KLF7: variants seen among roughly 807,000 people sequenced by gnomAD.
The protein encoded by KLF7 is KLF transcription factor 7.
Under a neutral mutation model 27.3 loss-of-function variants are expected in KLF7, and 2 were observed. The observed-to-expected ratio is 0.07, with a 90% confidence interval of 0.03 to 0.23. The LOEUF (loss-of-function observed/expected upper bound fraction) is 0.23. KLF7 is among the 10% of genes least tolerant of loss of function. KLF7 has a pLI of 1.00. For missense variants in KLF7, 221 were observed against 394.1 expected (o/e 0.56, Z 3.72); for synonymous variants, 165 against 162.4 (o/e 1.02, Z -0.12).
Position 207,157,519 on chromosome 2 carries a change from G to T in KLF7, c.102+7948C>A, listed in dbSNP as rs965545323. Among the ~76,000 whole-genome samples, 4 of 152,316 alleles carry T rather than the reference G, an allele frequency of 2.6e-5. No individual in the cohort carries two copies. The South Asian group carries it at 6.2e-4, about 24-fold the overall frequency. On this transcript the variant is annotated intron_variant, in intron 1 of 3. Transcript: ENST00000309446. The stretch of plus-strand genomic sequence containing the variant: ...GATGGCATTTACTACATGTGAAAAG[G>T]GGGGAACTTGCAAATATTGTGTAGA...
chr2:207,169,262 C>T (rs976537582), upstream of KLF7, among the ~76,000 whole-genome samples: 22 of 151,866 alleles, frequency 1.4e-4, no homozygotes, highest in Non-Finnish European at 2.9e-4. Context: ...ATAAATTATC[C>T]CCCCACCCGG....
chr2:207,124,443 A>T, intron 1 of KLF7, 39 bp from the exon 2 acceptor site: 1 of 1,529,940 alleles, frequency 6.5e-7, no homozygotes, highest in South Asian at 1.3e-5. Flanking sequence ...CAGCCATCAG[A>T]GGCACAGAAC....
chr2:207,097,475 C>T (rs2076658607), intron 2 of KLF7, among the ~76,000 whole-genome samples: 2 of 152,178 alleles, frequency 1.3e-5, no homozygotes, highest in South Asian at 4.1e-4. Context: ...AACTTTGTCA[C>T]CTGTATGTCC....
Position 207,075,831 on chromosome 2 carries a change from T to G in KLF7, c.*5382A>C, listed in dbSNP as rs922064190. 1 of 152,048 alleles carries G rather than the reference T, an allele frequency of 6.6e-6. No homozygotes were observed. Among genetic ancestry groups the G allele is most frequent in the Non-Finnish European group, 1.5e-5 (1 of 68,004 alleles). The allele number at this position is 152,048 out of a possible 1,614,324, so 9.4% of individuals were successfully genotyped here. Reference sequence around the variant, plus strand: ...TGAAAGATAAGGAAATTAAACTAAGTCTGGGTTTAGATAGGAAATGCATGC... The same window carrying G: ...TGAAAGATAAGGAAATTAAACTAAGGCTGGGTTTAGATAGGAAATGCATGC... On this transcript the variant is annotated 3_prime_UTR_variant, in exon 4 of 4. Coordinates refer to ENST00000309446, the MANE Select transcript of KLF7 (RefSeq NM_003709.4).
At chr2:207,131,212 GGACA>G (rs1293327553) in intron 1 of KLF7, among the ~76,000 whole-genome samples, 1 of 152,188 alleles carries the variant, frequency 6.6e-6, no homozygotes, top group African/African-American at 2.4e-5. Flanking sequence ...GGCGAGGAAG[GGACA>G]GACTTTGGTT....
intron 2 of KLF7, among the ~76,000 whole-genome samples, chr2:207,093,137 C>T (rs2076548956): frequency 6.6e-6 from 1 of 152,180 alleles, no homozygotes; most frequent in South Asian, 2.1e-4. Context: ...TAAATGGTCT[C>T]TTTGACATCC....
intron 2 of KLF7, among the ~76,000 whole-genome samples, chr2:207,102,406 G>A (rs1005385989): frequency 6.6e-6 from 1 of 152,130 alleles, no homozygotes; most frequent in African/African-American, 2.4e-5. Context: ...AAAAAGAGGT[G>A]CAAGAAATAT....
At chr2:207,102,126 T>TACACACACA (rs371861690) in intron 2 of KLF7, among the ~76,000 whole-genome samples, 1 of 141,172 alleles carries the variant, frequency 7.1e-6, no homozygotes, top group Non-Finnish European at 1.6e-5. Flanking sequence ...ACATTCACAT[T>TACACACACA]CACACACACA....
intron 1 of KLF7, among the ~76,000 whole-genome samples, chr2:207,128,670 G>A (rs778564282): frequency 6.6e-6 from 1 of 152,170 alleles, no homozygotes; most frequent in East Asian, 1.9e-4. Flanking sequence ...ATGTACCCCT[G>A]ATATGATAAG....
chr2:207,102,254 C>T (rs985283504), intron 2 of KLF7, among the ~76,000 whole-genome samples: 4 of 151,768 alleles, frequency 2.6e-5, no homozygotes, highest in African/African-American at 9.7e-5. Flanking sequence ...ATCCTATATA[C>T]CTCTAACCTC....
At chr2:207,161,900 G>C (rs2078558107) in intron 1 of KLF7, among the ~76,000 whole-genome samples, 1 of 152,078 alleles carries the variant, frequency 6.6e-6, no homozygotes, top group Non-Finnish European at 1.5e-5. Flanking sequence ...GCAAAGAGAG[G>C]CCTGAAACTG....
chr2:207,123,446 A>G (rs571409395), intron 2 of KLF7, among the ~76,000 whole-genome samples: 175 of 152,326 alleles, frequency 1.1e-3, no homozygotes, highest in Middle Eastern at 6.8e-3. Flanking sequence ...CTACACTCAT[A>G]AAACAATGCA....
At chr2:207,131,680 C>G (rs1254774567) in intron 1 of KLF7, among the ~76,000 whole-genome samples, 1 of 152,218 alleles carries the variant, frequency 6.6e-6, no homozygotes, top group African/African-American at 2.4e-5. Context: ...TTGTGACTCT[C>G]TTTCTCTTCA....
At position 207,149,180 on chromosome 2, in the gene KLF7, G is replaced by C. The variant is rs565423785; in HGVS notation, c.102+16287C>G. Reference sequence around the variant, plus strand: ...AAGAAACTGGTGTGTTTTCTTTTTGGAGATGATCTTCAATAATTTTCTGAG... The same window carrying C: ...AAGAAACTGGTGTGTTTTCTTTTTGCAGATGATCTTCAATAATTTTCTGAG... On this transcript the variant is annotated intron_variant, in intron 1 of 3. Transcript: ENST00000309446. 6.0e-5 allele frequency: 77 copies of C among 1,286,082 alleles called. No homozygotes were observed. In the African/African-American group the frequency reaches 1.1e-3, roughly 18 times the overall value. 79.7% of individuals were successfully genotyped at this position (1,286,082 alleles called of 1,614,324 possible).
Position 207,081,190 on chromosome 2 carries a change from G to A in KLF7, c.*23C>T. 6.2e-7 allele frequency: 1 copy of A among 1,611,636 alleles called. No homozygotes were observed. Among genetic ancestry groups the A allele is most frequent in the Non-Finnish European group, 8.5e-7 (1 of 1,177,722 alleles). On this transcript the variant is annotated 3_prime_UTR_variant, in exon 4 of 4. Coordinates refer to ENST00000309446, the MANE Select transcript of KLF7 (RefSeq NM_003709.4). ...TCCTTTAGACACTAGCCGATGCCAT[G>A]GCAACTCTGGCCTTTCGGTTTTTTA... is the stretch of plus-strand genomic sequence containing the variant.
intron 1 of KLF7, among the ~76,000 whole-genome samples, chr2:207,148,006 C>T (rs1014442337): frequency 4.6e-5 from 7 of 152,100 alleles, no homozygotes; most frequent in Non-Finnish European, 1.0e-4. Flanking sequence ...TAAGCTTCTA[C>T]CCGCTTTTTA....
At chr2:207,129,360 G>A (rs2077563999) in intron 1 of KLF7, among the ~76,000 whole-genome samples, 1 of 152,168 alleles carries the variant, frequency 6.6e-6, no homozygotes, top group Admixed American at 6.5e-5. Context: ...CTTAAGGCTT[G>A]AGCCACTGGA....
intron 1 of KLF7, among the ~76,000 whole-genome samples, chr2:207,139,411 G>A (rs930831852): frequency 4.6e-5 from 7 of 152,126 alleles, no homozygotes; most frequent in Middle Eastern, 3.4e-3. Flanking sequence ...AAAGAAAACT[G>A]AGTTTTTCAC....
chr2:207,114,578 C>T (rs1464804278), intron 2 of KLF7, among the ~76,000 whole-genome samples: 2 of 152,292 alleles, frequency 1.3e-5, no homozygotes, highest in South Asian at 4.1e-4. Context: ...TTTCTTGGTT[C>T]TATTCATTAA....
Sources: gnomAD v4.1 joint callset for allele counts (sites outside exome capture counted in the v4.1 genomes callset) on GRCh38, gnomAD v4.1.1 for gene constraint, MANE v1.5 for transcripts, NCBI Gene and HGNC (gene_info 2026-07-23, HGNC 2026-07-21) for gene names.